SLC29A3: variants seen among roughly 807,000 people sequenced by gnomAD.
SLC29A3 encodes equilibrative nucleoside transporter 3.
In SLC29A3, 18 loss-of-function variants were observed where a neutral mutation model predicts 25.4. The observed-to-expected ratio is 0.71, with a 90% CI of 0.49 to 1.05. The LOEUF (loss-of-function observed/expected upper bound fraction) is 1.05, where lower values mean the gene tolerates loss of function less well. Ranked by LOEUF, SLC29A3 falls within the 50% of genes least tolerant of loss-of-function variation. The pLI is 0.00. For missense variants in SLC29A3, 586 were observed against 609.0 expected, an observed-to-expected ratio of 0.96 and a Z score of 0.40; for synonymous variants, 258 against 267.1, an observed-to-expected ratio of 0.97 and a Z score of 0.33.
chr10:71,332,033 G>A (rs1375424143), intron 2 of SLC29A3, among the ~76,000 whole-genome samples: 2 of 152,108 alleles, frequency 1.3e-5, no homozygotes, highest in Non-Finnish European at 2.9e-5. Flanking sequence ...TGGTGTTCCT[G>A]CAGAACCGTT....
intron 3 of SLC29A3, among the ~76,000 whole-genome samples, chr10:71,346,313 G>A (rs1400366621): frequency 3.3e-5 from 5 of 152,132 alleles, no homozygotes; most frequent in East Asian, 1.9e-4. Flanking sequence ...TAACCCTCAC[G>A]GCAGCCTAAG....
Position 71,362,582 on chromosome 10 carries a change from T to C in SLC29A3, c.1402T>C (p.Ser468Pro). ...GGGCTTAACACTGGGCTCAGCCTGC[T>C]CTACCCTCCTGGTGCACCTCATCTA... ...CLGLTLGSAC[S>P]TLLVHLI Residue 468 changes from serine to proline, a missense_variant, in exon 6 of 6, where the codon TCT becomes CCT. By Grantham distance (74) the Ser-to-Pro change is moderately conservative. Transcript: ENST00000373189. 2 of 1,614,160 alleles carry C rather than the reference T, an allele frequency of 1.2e-6. No individual in the cohort carries two copies. The highest frequency in any genetic ancestry group is 1.7e-6 in the Non-Finnish European group (2 of 1,180,038).
intron 3 of SLC29A3, among the ~76,000 whole-genome samples, chr10:71,348,062 A>G (rs578114334): frequency 7.9e-5 from 12 of 152,304 alleles, no homozygotes; most frequent in African/African-American, 2.9e-4. Context: ...GGCAGCAGGG[A>G]TCAAGAAGCA....
intron 3 of SLC29A3, among the ~76,000 whole-genome samples, chr10:71,369,539 A>T (rs924806703): frequency 1.1e-4 from 17 of 152,348 alleles, no homozygotes; most frequent in Admixed American, 2.0e-4. Context: ...TATTGCAAAA[A>T]ATGAGAACAC....
intron 5 of SLC29A3, among the ~76,000 whole-genome samples, chr10:71,359,710 C>T (rs903997390): frequency 6.6e-6 from 1 of 152,164 alleles, no homozygotes; most frequent in Non-Finnish European, 1.5e-5. Context: ...CTCCATTTTA[C>T]AGAGGAGGAA....
intron 2 of SLC29A3, among the ~76,000 whole-genome samples, chr10:71,325,231 CAT>C (rs1845939334): frequency 6.6e-6 from 1 of 152,136 alleles, no homozygotes; most frequent in East Asian, 1.9e-4. Flanking sequence ...ATGAATCTGC[CAT>C]AGTGAGGGAG....
chr10:71,346,720 C>A (rs1846594233), intron 3 of SLC29A3, among the ~76,000 whole-genome samples: 1 of 152,096 alleles, frequency 6.6e-6, no homozygotes, highest in South Asian at 2.1e-4. Flanking sequence ...TGAACTGGGA[C>A]CTTCTCACCC....
At chr10:71,327,950 C>T (rs529867640) in intron 2 of SLC29A3, among the ~76,000 whole-genome samples, 1 of 152,236 alleles carries the variant, frequency 6.6e-6, no homozygotes, top group Admixed American at 6.5e-5. Flanking sequence ...CCCAGGCTCT[C>T]CTGCAGGCCT....
chr10:71,336,858 A>G (rs1345695620), intron 2 of SLC29A3, among the ~76,000 whole-genome samples: 1 of 152,074 alleles, frequency 6.6e-6, no homozygotes, highest in Non-Finnish European at 1.5e-5. Context: ...AGGAGGTGTG[A>G]GAAAGGATTG....
At chr10:71,349,771 C>T (rs995346808) in intron 3 of SLC29A3, among the ~76,000 whole-genome samples, 3 of 152,152 alleles carry the variant, frequency 2.0e-5, no homozygotes, top group African/African-American at 7.2e-5. Context: ...ATTTGCAGCT[C>T]CCTGAACATG....
intron 3 of SLC29A3, among the ~76,000 whole-genome samples, chr10:71,372,500 T>C (rs1847219174): frequency 6.6e-6 from 1 of 152,160 alleles, no homozygotes; most frequent in African/African-American, 2.4e-5. Flanking sequence ...ATAGGTCTGG[T>C]GTGGGACCTG....
chr10:71,342,119 A>C (rs1846425027), intron 2 of SLC29A3, among the ~76,000 whole-genome samples: 1 of 152,232 alleles, frequency 6.6e-6, no homozygotes, highest in African/African-American at 2.4e-5. Flanking sequence ...TGTGAGCATC[A>C]GGAGGCACGG....
chr10:71,341,045 G>A (rs919942054), intron 2 of SLC29A3, among the ~76,000 whole-genome samples: 7 of 152,226 alleles, frequency 4.6e-5, no homozygotes, highest in South Asian at 2.1e-4. Context: ...CAGCCAGTCT[G>A]GGGAGAGGAG....
chr10:71,332,392 C>T (rs1350675059), intron 2 of SLC29A3, among the ~76,000 whole-genome samples: 4 of 152,026 alleles, frequency 2.6e-5, no homozygotes, highest in African/African-American at 7.3e-5. Flanking sequence ...TCAAGTGATC[C>T]GCCCACCTTG....
At chr10:71,339,776 A>G (rs975126520) in intron 2 of SLC29A3, among the ~76,000 whole-genome samples, 40 of 151,976 alleles carry the variant, frequency 2.6e-4, no homozygotes, top group Non-Finnish European at 5.7e-4. Flanking sequence ...TACCTGCCAT[A>G]TCTGTCTGAC....
chr10:71,328,278 A>T (rs1256866480), intron 2 of SLC29A3, among the ~76,000 whole-genome samples: 2 of 152,144 alleles, frequency 1.3e-5, no homozygotes, highest in Non-Finnish European at 2.9e-5. Flanking sequence ...ACTCAGTCCC[A>T]GGGGTGAGGC....
intron 3 of SLC29A3, among the ~76,000 whole-genome samples, chr10:71,374,854 G>T (rs989887673): frequency 6.6e-6 from 1 of 152,236 alleles, no homozygotes; most frequent in Non-Finnish European, 1.5e-5. Context: ...GACTGGTCCA[G>T]AAATGGGGTC....
chr10:71,319,305 G>A lies in SLC29A3; in HGVS notation c.-5G>A, dbSNP rs1397039170. ...GAGGCAGCGGCGGCGTGGCGCAGCGGCGACAGTAAGTGCGGGCCGGCTCGG... is the reference window on the plus strand; with the variant it reads ...GAGGCAGCGGCGGCGTGGCGCAGCGACGACAGTAAGTGCGGGCCGGCTCGG... On this transcript the variant is annotated 5_prime_UTR_variant, in exon 1 of 6. Coordinates refer to ENST00000373189, the MANE Select transcript of SLC29A3 (RefSeq NM_018344.6). The A allele has an allele frequency of 6.2e-6, 4 of 645,888 alleles. No individual in the cohort carries two copies. The allele number at this position is 645,888 out of a possible 1,614,324, so 40.0% of individuals were successfully genotyped here.
chr10:71,332,941 C>T (rs1174813092), intron 2 of SLC29A3, among the ~76,000 whole-genome samples: 1 of 152,244 alleles, frequency 6.6e-6, no homozygotes, highest in Non-Finnish European at 1.5e-5. Context: ...ACCCTTCTTC[C>T]CCACCCGCGC....
Sources: allele counts gnomAD v4.1 joint callset (sites outside exome capture counted in the v4.1 genomes callset), GRCh38; gene constraint gnomAD v4.1.1; transcripts MANE v1.5; gene names NCBI Gene and HGNC (gene_info 2026-07-23, HGNC 2026-07-21).